Variants in ST7 observed in about 807,000 individuals in gnomAD.
ST7 encodes suppression of tumorigenicity 7.
In ST7, 28 loss-of-function variants were observed where a neutral mutation model predicts 78.7. The observed-to-expected ratio is 0.36, with a 90% CI of 0.26 to 0.49. ST7 has a LOEUF of 0.49. Among genes scored for constraint, ST7 ranks in the 20% least tolerant of loss-of-function variants. The pLI is 0.99. For missense variants in ST7, 418 were observed against 696.0 expected, an observed-to-expected ratio of 0.60 and a Z score of 4.49; for synonymous variants, 247 against 249.6, an observed-to-expected ratio of 0.99 and a Z score of 0.10.
intron 1 of ST7, among the ~76,000 whole-genome samples, chr7:117,019,970 G>A (rs554676120): frequency 6.6e-6 from 1 of 152,264 alleles, no homozygotes; most frequent in East Asian, 1.9e-4. Context: ...ATGTCTTTGT[G>A]GTTAATTGCT....
At chr7:116,956,518 G>C (rs1322067143) in intron 1 of ST7, 1 of 471,170 alleles carries the variant, frequency 2.1e-6, no homozygotes, top group Non-Finnish European at 4.4e-6. Context: ...AGATGGCGCA[G>C]GCCTCCCTTC....
chr7:117,186,814 T>C (rs1809303622), intron 10 of ST7, among the ~76,000 whole-genome samples: 1 of 152,230 alleles, frequency 6.6e-6, no homozygotes, highest in Non-Finnish European at 1.5e-5. Flanking sequence ...ACTTACAGCA[T>C]GTTAGCCAGT....
chr7:117,015,259 GGACT>G (rs1407762825), intron 1 of ST7, among the ~76,000 whole-genome samples: 1 of 152,090 alleles, frequency 6.6e-6, no homozygotes, highest in Non-Finnish European at 1.5e-5. Context: ...ATACTTAAAT[GGACT>G]TAAACTCCAA....
intron 12 of ST7, among the ~76,000 whole-genome samples, chr7:117,207,245 A>G (rs1245786478): frequency 6.6e-6 from 1 of 151,714 alleles, no homozygotes; most frequent in Non-Finnish European, 1.5e-5. Flanking sequence ...CCCAAGTTCA[A>G]ACAATTCTCT....
chr7:117,091,588 A>G (rs1800618118), intron 1 of ST7, among the ~76,000 whole-genome samples: 1 of 152,192 alleles, frequency 6.6e-6, no homozygotes, highest in African/African-American at 2.4e-5. Flanking sequence ...CAATCGGGAA[A>G]GAAACGCTCG....
chr7:117,092,068 T>C (rs1800659597), intron 1 of ST7, among the ~76,000 whole-genome samples: 1 of 151,734 alleles, frequency 6.6e-6, no homozygotes, highest in African/African-American at 2.4e-5. Context: ...TCTTACATAG[T>C]TGTTTGTTAG....
chr7:117,186,423 G>A (rs898714589), intron 10 of ST7, among the ~76,000 whole-genome samples: 55 of 152,308 alleles, frequency 3.6e-4, no homozygotes, highest in Admixed American at 1.1e-3. Context: ...TCTACAGTGC[G>A]GATATGCTGG....
In ST7 at chr7:117,190,823, C is replaced by T. The variant is rs138792074; in HGVS notation, c.1152-11C>T. 5.0e-6 allele frequency: 8 copies of T among 1,613,176 alleles called. No homozygotes were observed. The East Asian group carries it at 1.8e-4, about 36-fold the overall frequency. On this transcript the variant is annotated splice_polypyrimidine_tract_variant and intron_variant, in intron 11 of 15. Transcript: ENST00000323984. This position sits in a 1 kb window ranked among gnomAD's most constrained non-coding sequence, Gnocchi z 5.2. Reference sequence around the variant, plus strand: ...TCCCACCTGGATGGTTTTTGTCTTTCTGCTTTTCAGATTCTCTCCTGAGGC... The same window carrying T: ...TCCCACCTGGATGGTTTTTGTCTTTTTGCTTTTCAGATTCTCTCCTGAGGC...
intron 9 of ST7, among the ~76,000 whole-genome samples, chr7:117,152,089 AGC>A (rs538568129): frequency 1.8e-3 from 266 of 149,386 alleles, no homozygotes; most frequent in African/African-American, 6.3e-3. Flanking sequence ...ATTGCACTCC[AGC>A]CTGGGTGACA....
chr7:117,070,795 G>A (rs1489171784), intron 1 of ST7, among the ~76,000 whole-genome samples: 1 of 151,854 alleles, frequency 6.6e-6, no homozygotes, highest in Non-Finnish European at 1.5e-5. Context: ...CGCCCGCCTC[G>A]GCCTCCCAAA....
intron 1 of ST7, among the ~76,000 whole-genome samples, chr7:117,092,802 A>G (rs1298209831): frequency 2.0e-5 from 3 of 152,180 alleles, no homozygotes; most frequent in African/African-American, 7.2e-5. Context: ...TAAATCAGAA[A>G]TGTTGCTTTG....
Position 116,955,737 on chromosome 7 carries a change from C to T in ST7, c.151+2046C>T, listed in dbSNP as rs77595782. On this transcript the variant is annotated intron_variant, in intron 1 of 15. Transcript: ENST00000323984. ...TGCTCTGTGCAGATCAGGCAAGAAGCAAAATATCTACTGGGAAAATGTGTA... is the reference window on the plus strand; with the variant it reads ...TGCTCTGTGCAGATCAGGCAAGAAGTAAAATATCTACTGGGAAAATGTGTA... Among the ~76,000 whole-genome samples, 21 of 152,244 alleles carry T rather than the reference C, an allele frequency of 1.4e-4. No homozygotes were observed. The East Asian group carries it at 4.0e-3, about 29-fold the overall frequency.
chr7:117,066,924 C>A (rs1242319965), intron 1 of ST7, among the ~76,000 whole-genome samples: 1 of 152,000 alleles, frequency 6.6e-6, no homozygotes, highest in Non-Finnish European at 1.5e-5. Context: ...TCACCATTCT[C>A]TGGAAACCAC....
chr7:117,211,037 C>T lies in ST7; in HGVS notation c.1405+1100C>T, dbSNP rs967615559. Among the ~76,000 whole-genome samples, 13 of 152,212 alleles carry T rather than the reference C, an allele frequency of 8.5e-5. No homozygotes were observed. The East Asian group carries it at 2.3e-3, about 27-fold the overall frequency. ...TTTGATAATCTGCTCCTCCCTTTTC[C>T]GGCCCTTCCCTAACCCAGCAGGAGT... On this transcript the variant is annotated intron_variant, in intron 13 of 15. Coordinates refer to ENST00000323984, the MANE Select transcript of ST7 (RefSeq NM_001369598.1).
intron 1 of ST7, among the ~76,000 whole-genome samples, chr7:117,083,111 G>C (rs185537134): frequency 6.6e-6 from 1 of 152,214 alleles, no homozygotes; most frequent in East Asian, 1.9e-4. Flanking sequence ...TCAGGCTGGA[G>C]TGCAATGGCA....
chr7:117,025,301 A>G (rs1195381144), intron 1 of ST7, among the ~76,000 whole-genome samples: 2 of 152,194 alleles, frequency 1.3e-5, no homozygotes, highest in East Asian at 3.9e-4. Flanking sequence ...ATAAGCATCT[A>G]ATTATTACTA....
At chr7:117,093,309 G>T (rs1186366580) in intron 1 of ST7, among the ~76,000 whole-genome samples, 1 of 152,200 alleles carries the variant, frequency 6.6e-6, no homozygotes, top group African/African-American at 2.4e-5. Context: ...GCACATAGAA[G>T]ATGCTCAGTT....
intron 2 of ST7, among the ~76,000 whole-genome samples, chr7:117,104,037 G>A (rs560121512): frequency 1.3e-3 from 201 of 152,200 alleles, no homozygotes; most frequent in African/African-American, 4.6e-3. Context: ...AAACCACAAC[G>A]AGCTATCATC....
chr7:117,136,772 A>G (rs993088732), intron 8 of ST7: 1 of 153,266 alleles, frequency 6.5e-6, no homozygotes, highest in Admixed American at 6.5e-5. Context: ...TCTTTTTTAT[A>G]TTAAAATAAT....
Sources: allele counts gnomAD v4.1 joint callset (sites outside exome capture counted in the v4.1 genomes callset), GRCh38; gene constraint gnomAD v4.1.1; non-coding constraint Gnocchi (gnomAD v3.1); transcripts MANE v1.5; gene names NCBI Gene and HGNC (gene_info 2026-07-23, HGNC 2026-07-21).